The following FHIP1A variants were observed in gnomAD, a reference collection of about 807,000 sequenced individuals.
FHIP1A encodes FHF complex subunit HOOK interacting protein 1A.
A neutral mutation model predicts 88.6 loss-of-function variants in FHIP1A; 61 were observed. The ratio of observed to expected loss-of-function variants is 0.69; its 90% CI spans 0.56 to 0.85. The LOEUF (loss-of-function observed/expected upper bound fraction) is 0.85. Among genes scored for constraint, FHIP1A ranks in the 40% least tolerant of loss-of-function variants. FHIP1A has a pLI of 0.00. For missense variants in FHIP1A, 1,154 were observed against 1,273.5 expected (o/e 0.91, Z 1.43); for synonymous variants, 478 against 496.0 (o/e 0.96, Z 0.48).
chr4:151,598,949 T>C (rs925015412), intron 7 of FHIP1A, among the ~76,000 whole-genome samples: 1 of 152,206 alleles, frequency 6.6e-6, no homozygotes, highest in Non-Finnish European at 1.5e-5. Flanking sequence ...AAAACAGTAA[T>C]GTATTTGATT....
chr4:151,486,569 T>C (rs1730088654), intron 3 of FHIP1A, among the ~76,000 whole-genome samples: 1 of 152,206 alleles, frequency 6.6e-6, no homozygotes, highest in Admixed American at 6.5e-5. Context: ...TAAATGGCTC[T>C]TTGGGTTTAG....
intron 1 of FHIP1A, among the ~76,000 whole-genome samples, chr4:151,449,541 A>C (rs1728721748): frequency 6.6e-6 from 1 of 152,168 alleles, no homozygotes; most frequent in Non-Finnish European, 1.5e-5. Flanking sequence ...GAGAACATTC[A>C]AAAACCTCTC....
intron 9 of FHIP1A, 112 bp downstream of exon 9, chr4:151,638,868 C>A: frequency 2.0e-6 from 1 of 488,622 alleles, no homozygotes; most frequent in Non-Finnish European, 3.4e-6. Flanking sequence ...GTTGTATAAG[C>A]TAAAAAGGCG....
chr4:151,426,754 A>C (rs1363929637), intron 1 of FHIP1A, among the ~76,000 whole-genome samples: 1 of 152,188 alleles, frequency 6.6e-6, no homozygotes, highest in Non-Finnish European at 1.5e-5. Context: ...ACTTCCTGGC[A>C]TAGGCTGGTG....
chr4:151,591,858 G>A (rs1288426485), intron 7 of FHIP1A, among the ~76,000 whole-genome samples: 1 of 152,006 alleles, frequency 6.6e-6, no homozygotes, highest in Admixed American at 6.6e-5. Flanking sequence ...ATTTTCTTTA[G>A]TCTATCATTG....
chr4:151,464,415 C>T (rs1458911175), intron 2 of FHIP1A, among the ~76,000 whole-genome samples: 1 of 152,156 alleles, frequency 6.6e-6, no homozygotes, highest in Non-Finnish European at 1.5e-5. Flanking sequence ...AGGCCAAATG[C>T]CTCCATCATT....
chr4:151,460,737 T>C (rs1729117963), intron 2 of FHIP1A, among the ~76,000 whole-genome samples: 1 of 152,186 alleles, frequency 6.6e-6, no homozygotes, highest in African/African-American at 2.4e-5. Context: ...ATTTCCAAAA[T>C]CAGCTGAAGA....
intron 1 of FHIP1A, among the ~76,000 whole-genome samples, chr4:151,440,205 A>G (rs903803524): frequency 1.3e-5 from 2 of 152,112 alleles, no homozygotes; most frequent in Admixed American, 6.6e-5. Context: ...ATGGGGGGGA[A>G]CTGCCCCCAT....
intron 3 of FHIP1A, among the ~76,000 whole-genome samples, chr4:151,564,458 G>C (rs1733300605): frequency 6.6e-6 from 1 of 152,176 alleles, no homozygotes; most frequent in African/African-American, 2.4e-5. Context: ...CCTGAATGAG[G>C]TGAAGGTTCT....
At chr4:151,463,916 T>G (rs1729220037) in intron 2 of FHIP1A, among the ~76,000 whole-genome samples, 1 of 152,206 alleles carries the variant, frequency 6.6e-6, no homozygotes. Flanking sequence ...CTTGGTGAAT[T>G]TGGAAGCTCC....
At chr4:151,557,299 T>G (rs1167145366) in intron 3 of FHIP1A, among the ~76,000 whole-genome samples, 1 of 152,236 alleles carries the variant, frequency 6.6e-6, no homozygotes, top group Non-Finnish European at 1.5e-5. Flanking sequence ...ACCTTGTCTA[T>G]TCTTGCTCAT....
intron 2 of FHIP1A, among the ~76,000 whole-genome samples, chr4:151,475,812 C>T: frequency 6.6e-6 from 1 of 151,210 alleles, no homozygotes; most frequent in East Asian, 1.9e-4. Context: ...AGAAAAAAGT[C>T]ATCTGTTTTT....
chr4:151,463,479 C>T (rs1031092087), intron 2 of FHIP1A, among the ~76,000 whole-genome samples: 3 of 152,226 alleles, frequency 2.0e-5, no homozygotes, highest in African/African-American at 7.2e-5. Context: ...GAATGGATGA[C>T]CTTCCAATTA....
intron 7 of FHIP1A, among the ~76,000 whole-genome samples, chr4:151,592,788 T>C (rs1560788028): frequency 6.6e-6 from 1 of 152,238 alleles, no homozygotes; most frequent in Admixed American, 6.5e-5. Context: ...TTATCAATTT[T>C]GGCTTTTGTT....
intron 6 of FHIP1A, 34 bp downstream of exon 6, chr4:151,586,833 G>T: frequency 1.4e-6 from 2 of 1,479,838 alleles, no homozygotes; most frequent in South Asian, 1.3e-5. Context: ...CCTTTGCTAT[G>T]GCTTCATTCA....
Position 151,482,027 on chromosome 4 carries a change from G to A in FHIP1A, c.-247-497G>A, listed in dbSNP as rs538622408. On this transcript the variant is annotated intron_variant, in intron 2 of 13. Transcript: ENST00000435205. ...TCTAAGACCAAAGTAGACTTTGCCC[G>A]TTGGATGGCGAAAACCTGAACTATG... Among the ~76,000 whole-genome samples, 28 of 152,222 alleles carry A rather than the reference G, an allele frequency of 1.8e-4. 1 individual carries two copies. The South Asian group carries it at 5.4e-3, about 29-fold the overall frequency.
At chr4:151,649,075 A>G (rs1358555533) in intron 10 of FHIP1A, among the ~76,000 whole-genome samples, 1 of 152,196 alleles carries the variant, frequency 6.6e-6, no homozygotes, top group East Asian at 1.9e-4. Flanking sequence ...CTTTAGATTC[A>G]AAGTAAAAAA....
At position 151,504,142 on chromosome 4, in the gene FHIP1A, C is replaced by G. The variant is rs146700086; in HGVS notation, c.-123+21494C>G. The stretch of plus-strand genomic sequence containing the variant: ...TAGTCTGGTGATTCTCCTCAATTAC[C>G]TTTTAAAATATATATCTCCCTACAT... On this transcript the variant is annotated intron_variant, in intron 3 of 13. Transcript: ENST00000435205. Among the ~76,000 whole-genome samples, 8 of 152,290 alleles carry G rather than the reference C, an allele frequency of 5.3e-5. No individual in the cohort carries two copies. The East Asian group carries it at 1.5e-3, about 29-fold the overall frequency.
At chr4:151,643,523 T>G (rs1315887657) in intron 9 of FHIP1A, among the ~76,000 whole-genome samples, 3 of 152,202 alleles carry the variant, frequency 2.0e-5, no homozygotes, top group Non-Finnish European at 4.4e-5. Context: ...CAACTGTAAT[T>G]TCTCTACTGT....
Sources: allele counts gnomAD v4.1 joint callset (sites outside exome capture counted in the v4.1 genomes callset), GRCh38; gene constraint gnomAD v4.1.1; transcripts MANE v1.5; gene names NCBI Gene and HGNC (gene_info 2026-07-23, HGNC 2026-07-21).